The following NTM variants were observed in gnomAD, a reference collection of about 807,000 sequenced individuals.
The protein encoded by NTM is neurotrimin.
NTM carries 13 observed loss-of-function variants against 42.1 expected under a neutral mutation model. The observed-to-expected ratio is 0.31, with a 90% CI of 0.20 to 0.49. The LOEUF (loss-of-function observed/expected upper bound fraction) is 0.49, where lower values mean the gene tolerates loss of function less well. Among genes scored for constraint, NTM ranks in the 20% least tolerant of loss-of-function variants. The pLI is 0.99. For missense variants in NTM, 373 were observed against 452.8 expected, an observed-to-expected ratio of 0.82 and a Z score of 1.60; for synonymous variants, 187 against 179.2, an observed-to-expected ratio of 1.04 and a Z score of -0.35.
At chr11:131,557,482 A>G (rs1435358804) in intron 1 of NTM, among the ~76,000 whole-genome samples, 2 of 152,226 alleles carry the variant, frequency 1.3e-5, no homozygotes, top group African/African-American at 2.4e-5. Flanking sequence ...TGATACTGCC[A>G]AGATCTTTCA....
chr11:131,453,013 A>G (rs1238136030), intron 1 of NTM, among the ~76,000 whole-genome samples: 1 of 152,210 alleles, frequency 6.6e-6, no homozygotes, highest in Non-Finnish European at 1.5e-5. Flanking sequence ...CAATTCTCCC[A>G]AAACCGTATT....
chr11:131,494,040 T>C (rs1209250423), intron 1 of NTM, among the ~76,000 whole-genome samples: 1 of 152,242 alleles, frequency 6.6e-6, no homozygotes, highest in Non-Finnish European at 1.5e-5. Flanking sequence ...TCAAGTACTG[T>C]ACTCAACATG....
chr11:132,166,174 G>A (rs1355400299), intron 3 of NTM, among the ~76,000 whole-genome samples: 1 of 152,076 alleles, frequency 6.6e-6, no homozygotes, highest in African/African-American at 2.4e-5. Context: ...CAGCAAAAGT[G>A]CCATATAATG....
intron 4 of NTM, among the ~76,000 whole-genome samples, chr11:132,274,143 CT>C (rs2093618679): frequency 1.3e-5 from 2 of 151,864 alleles, no homozygotes; most frequent in Non-Finnish European, 2.9e-5. Flanking sequence ...TTTGTTCAGC[CT>C]TAGTAAAGCC....
chr11:131,785,278 G>T (rs150987995), intron 1 of NTM, among the ~76,000 whole-genome samples: 1 of 152,200 alleles, frequency 6.6e-6, no homozygotes, highest in Non-Finnish European at 1.5e-5. Flanking sequence ...ACACCTGAAA[G>T]CACCTGAGCC....
chr11:132,325,822 G>A (rs1231643046), intron 7 of NTM, among the ~76,000 whole-genome samples: 1 of 152,160 alleles, frequency 6.6e-6, no homozygotes, highest in Admixed American at 6.5e-5. Flanking sequence ...ATACACCACG[G>A]AATACTATGC....
At chr11:132,300,791 T>G (rs1222717616) in intron 4 of NTM, among the ~76,000 whole-genome samples, 1 of 152,200 alleles carries the variant, frequency 6.6e-6, no homozygotes, top group Non-Finnish European at 1.5e-5. Context: ...CAGAACTGGC[T>G]CTGGTATTTC....
intron 1 of NTM, among the ~76,000 whole-genome samples, chr11:131,726,630 T>C (rs1440431854): frequency 6.6e-6 from 1 of 151,340 alleles, no homozygotes; most frequent in African/African-American, 2.5e-5. Flanking sequence ...ATTTCCTTGT[T>C]GGCTCCTCTT....
At chr11:131,709,672 T>G (rs1394760490) in intron 1 of NTM, among the ~76,000 whole-genome samples, 1 of 152,212 alleles carries the variant, frequency 6.6e-6, no homozygotes, top group Non-Finnish European at 1.5e-5. Context: ...ACTAGACAGT[T>G]GCAGCTTAGG....
In NTM at chr11:131,919,115, C is replaced by CTTT. The variant is rs11395451; in HGVS notation, c.167+7478_167+7480dup. On this transcript the variant is annotated intron_variant, in intron 2 of 8. Coordinates refer to ENST00000683400, the MANE Select transcript of NTM (RefSeq NM_001352005.2). Reference sequence around the variant, plus strand: ...AGAGGGACCAGCTCCAAAACGCTTCCTTTTTTTTTTTTTAAATTAGTAATA... The same window carrying CTTT: ...AGAGGGACCAGCTCCAAAACGCTTCCTTTTTTTTTTTTTTTTAAATTAGTAATA... Among the ~76,000 whole-genome samples the CTTT allele has an allele frequency of 2.9e-3, 421 of 145,878 alleles. 2 individuals carry two copies. Among genetic ancestry groups the CTTT allele is most frequent in the African/African-American group, 9.8e-3 (392 of 39,836 alleles).
chr11:131,970,601 G>A (rs796791265), intron 2 of NTM, among the ~76,000 whole-genome samples: 8 of 152,286 alleles, frequency 5.3e-5, no homozygotes, highest in African/African-American at 9.6e-5. Flanking sequence ...CTTCCGCCTC[G>A]CTGCTTATCT....
chr11:131,635,842 C>T (rs920821257), intron 1 of NTM, among the ~76,000 whole-genome samples: 1 of 152,130 alleles, frequency 6.6e-6, no homozygotes, highest in Non-Finnish European at 1.5e-5. Context: ...TACAGGGGCA[C>T]TAGTTTTTCT....
chr11:131,727,394 C>T (rs1336673127), intron 1 of NTM, among the ~76,000 whole-genome samples: 1 of 152,098 alleles, frequency 6.6e-6, no homozygotes, highest in Non-Finnish European at 1.5e-5. Context: ...CTTTTCATCC[C>T]AACAGCTGCT....
In NTM at chr11:131,789,469, G is replaced by GAAAGAAGAAGAAGAAGAAGA. The variant is rs1364403606; in HGVS notation, c.83-122093_83-122092insAGAAGAAGAAGAAGAAGAAA. On this transcript the variant is annotated intron_variant, in intron 1 of 8. Transcript: ENST00000683400. ...AGAAGAAGAAGAAGAAGAAGAAGAA[G>GAAAGAAGAAGAAGAAGAAGA]AAGAAGAAGAAGAAGAAGAAGAGGA... Among the ~76,000 whole-genome samples, 2 of 13,066 alleles carry GAAAGAAGAAGAAGAAGAAGA rather than the reference G, an allele frequency of 1.5e-4. 1 individual carries two copies. Among genetic ancestry groups the GAAAGAAGAAGAAGAAGAAGA allele is most frequent in the Non-Finnish European group, 3.0e-4 (2 of 6,668 alleles). The allele number at this position is 13,066 out of a possible 152,430, so 8.6% of individuals were successfully genotyped here. A position where few individuals can be genotyped will look rare whatever the true frequency, so the allele number is the denominator to read the frequency against.
intron 1 of NTM, among the ~76,000 whole-genome samples, chr11:131,756,384 G>A (rs1039748137): frequency 1.1e-4 from 17 of 152,074 alleles, no homozygotes; most frequent in African/African-American, 4.1e-4. Context: ...GGGAGTTCAA[G>A]ACCAGCCTGG....
intron 1 of NTM, among the ~76,000 whole-genome samples, chr11:131,819,426 G>A (rs2093085758): frequency 6.6e-6 from 1 of 152,130 alleles, no homozygotes. Context: ...CTACTGTCCT[G>A]CTCACTCACA....
At chr11:132,260,102 C>T (rs767228168) in intron 4 of NTM, among the ~76,000 whole-genome samples, 1 of 152,124 alleles carries the variant, frequency 6.6e-6, no homozygotes, top group East Asian at 1.9e-4. Context: ...AGGAGGAGGA[C>T]TAGCATTTAA....
rs551924820 is a variant in NTM at position 131,937,582 on chromosome 11, A to G, written c.167+25934A>G. On this transcript the variant is annotated intron_variant, in intron 2 of 8. Transcript: ENST00000683400. ...AATAGCAAAGTCTTTCATATACCAC[A>G]TAAAAATTTTCATCTGAAAGTGACT... Among the ~76,000 whole-genome samples the G allele has an allele frequency of 1.1e-3, 170 of 152,342 alleles. 1 individual carries two copies. Among genetic ancestry groups the G allele is most frequent in the African/African-American group, 3.9e-3 (162 of 41,578 alleles).
intron 7 of NTM, among the ~76,000 whole-genome samples, chr11:132,327,411 G>A (rs993332548): frequency 3.9e-5 from 6 of 152,250 alleles, no homozygotes; most frequent in South Asian, 2.1e-4. Context: ...GGAAACAATT[G>A]CAGCAGAAGA....
Sources: allele counts gnomAD v4.1 joint callset (sites outside exome capture counted in the v4.1 genomes callset), GRCh38; gene constraint gnomAD v4.1.1; transcripts MANE v1.5; gene names NCBI Gene and HGNC (gene_info 2026-07-23, HGNC 2026-07-21).